Variants in PACC1 observed in about 807,000 individuals in gnomAD.
PACC1 encodes the protein proton-activated chloride channel.
In PACC1, 34 loss-of-function variants were observed where a neutral mutation model predicts 39.7. That is an observed-to-expected ratio of 0.86 (90% CI 0.65 to 1.14). PACC1 has a LOEUF of 1.14. Among genes scored for constraint, PACC1 ranks in the 50% most tolerant of loss-of-function variants. The pLI is 0.00. For synonymous variants in PACC1, 127 were observed against 160.6 expected, an observed-to-expected ratio of 0.79 and a Z score of 1.58; for missense variants, 379 against 436.4, an observed-to-expected ratio of 0.87 and a Z score of 1.17.
Position 212,385,356 on chromosome 1 carries a change from A to G in PACC1, c.413T>C (p.Leu138Pro). ...GTCACCCGGCTGGCCAGGGCTTGTC[A>G]GAGGAGGAATGACCTCGTAATGGTG... ...CKHHYEVIPP[L>P]TSPGQPGDMN... is the part of the protein sequence containing the mutation. Residue 138 changes from leucine to proline, a missense_variant, in exon 4 of 8, where the codon CTG (leucine) becomes CCG (proline). Transcript: ENST00000261455. The G allele has an allele frequency of 3.1e-6, 5 of 1,614,102 alleles. No homozygotes were observed. Among genetic ancestry groups the G allele is most frequent in the Non-Finnish European group, 4.2e-6 (5 of 1,180,008 alleles).
chr1:212,413,119 C>T (rs1330227018), intron 1 of PACC1, among the ~76,000 whole-genome samples: 2 of 152,160 alleles, frequency 1.3e-5, no homozygotes, highest in South Asian at 2.1e-4. Flanking sequence ...GTTTAGGGTA[C>T]AGAATCTAGG....
intron 2 of PACC1, among the ~76,000 whole-genome samples, chr1:212,396,228 A>C (rs1661510477): frequency 6.6e-6 from 1 of 152,242 alleles, no homozygotes; most frequent in African/African-American, 2.4e-5. Context: ...AAAATGTGGC[A>C]CATATACACC....
chr1:212,373,532 A>C (rs1660535244), intron 7 of PACC1, among the ~76,000 whole-genome samples: 1 of 152,238 alleles, frequency 6.6e-6, no homozygotes, highest in Non-Finnish European at 1.5e-5. Flanking sequence ...CTGTACAGCA[A>C]AGGAAACAAT....
At chr1:212,414,647 C>T in intron 1 of PACC1, 75 bp downstream of exon 1, 1 of 1,574,528 alleles carries the variant, frequency 6.4e-7, no homozygotes, top group Non-Finnish European at 8.7e-7. Context: ...ACACCCCCCG[C>T]CCCGCATCCG....
At chr1:212,410,377 G>C in intron 2 of PACC1, 48 bp downstream of exon 2, 1 of 1,563,826 alleles carries the variant, frequency 6.4e-7, no homozygotes. Context: ...GCCTAGACTG[G>C]GGTGTCCAGC....
intron 2 of PACC1, among the ~76,000 whole-genome samples, chr1:212,409,741 T>C (rs1284413931): frequency 1.3e-5 from 2 of 152,144 alleles, no homozygotes; most frequent in African/African-American, 4.8e-5. Flanking sequence ...GGTTTGTAGG[T>C]AACCTCTGGG....
chr1:212,374,473 G>A (rs1660576514), intron 7 of PACC1, among the ~76,000 whole-genome samples: 2 of 152,102 alleles, frequency 1.3e-5, no homozygotes, highest in Non-Finnish European at 2.9e-5. Flanking sequence ...AATACAGTAA[G>A]ATAGATGACA....
chr1:212,402,128 G>A (rs940646837), intron 2 of PACC1, among the ~76,000 whole-genome samples: 4 of 152,126 alleles, frequency 2.6e-5, no homozygotes, highest in African/African-American at 9.7e-5. Flanking sequence ...ATTTTTTGGA[G>A]ATGTAAGTTT....
chr1:212,379,837 A>C, intron 5 of PACC1, 58 bp downstream of exon 5: 12 of 1,570,002 alleles, frequency 7.6e-6, no homozygotes, highest in South Asian at 1.1e-5. Flanking sequence ...TGGGACATAC[A>C]CAGCTGGAAT....
At chr1:212,376,891 T>C (rs987926874) in intron 6 of PACC1, 2 of 152,214 alleles carry the variant, frequency 1.3e-5, no homozygotes, top group African/African-American at 4.8e-5. Context: ...GCCACTGGGA[T>C]ACAAGAAGAA....
At chr1:212,392,124 T>C (rs893068928) in intron 2 of PACC1, among the ~76,000 whole-genome samples, 10 of 152,018 alleles carry the variant, frequency 6.6e-5, no homozygotes, top group African/African-American at 2.4e-4. Flanking sequence ...GAAGAGCAAC[T>C]CTCAGACACA....
In PACC1 at chr1:212,414,806, G is replaced by T. The variant is rs753635040; in HGVS notation, c.-49C>A. 3.1e-6 allele frequency: 5 copies of T among 1,606,516 alleles called. No homozygotes were observed. In the African/African-American group the frequency reaches 6.7e-5, roughly 21 times the overall value. Reference sequence around the variant, plus strand: ...ACCTGAGACCGCCCCAGCCCGCGGCGCACGGACGCAGCACTGCGGCCGCTG... The same window carrying T: ...ACCTGAGACCGCCCCAGCCCGCGGCTCACGGACGCAGCACTGCGGCCGCTG... On this transcript the variant is annotated 5_prime_UTR_variant, in exon 1 of 8. Coordinates refer to ENST00000261455, the MANE Select transcript of PACC1 (RefSeq NM_018252.3).
Position 212,414,827 on chromosome 1 carries a change from C to G in PACC1, c.-70G>C. ...CGGCGCACGGACGCAGCACTGCGGCCGCTGCACCTGGACCTACCGGCTCCG... is the reference window on the plus strand; with the variant it reads ...CGGCGCACGGACGCAGCACTGCGGCGGCTGCACCTGGACCTACCGGCTCCG... On this transcript the variant is annotated 5_prime_UTR_variant, in exon 1 of 8. Transcript: ENST00000261455. 1.3e-6 allele frequency: 2 copies of G among 1,594,274 alleles called. No individual in the cohort carries two copies. Among genetic ancestry groups the G allele is most frequent in the Non-Finnish European group, 1.7e-6 (2 of 1,164,422 alleles).
intron 2 of PACC1, among the ~76,000 whole-genome samples, chr1:212,393,192 C>T (rs1325347837): frequency 7.9e-5 from 12 of 152,216 alleles, no homozygotes; most frequent in Non-Finnish European, 5.9e-5. Flanking sequence ...GGAAGTAAAG[C>T]TCTCCTCAGC....
chr1:212,410,261 T>C, intron 2 of PACC1, 164 bp downstream of exon 2: 1 of 702,298 alleles, frequency 1.4e-6, no homozygotes, highest in South Asian at 1.6e-5. Flanking sequence ...ATATCCTCTG[T>C]TCCAAGGCTG....
intron 1 of PACC1, among the ~76,000 whole-genome samples, chr1:212,412,551 G>A (rs745720197): frequency 2.6e-5 from 4 of 152,230 alleles, no homozygotes; most frequent in Non-Finnish European, 4.4e-5. Flanking sequence ...CATTCTCTGA[G>A]GAAGTGAGAG....
At chr1:212,375,645 G>T (rs563396076) in intron 6 of PACC1, among the ~76,000 whole-genome samples, 3 of 152,188 alleles carry the variant, frequency 2.0e-5, no homozygotes. Flanking sequence ...AACACTTTGT[G>T]AGGCCTAGCC....
chr1:212,412,150 AAAAG>A (rs907442482), intron 1 of PACC1, among the ~76,000 whole-genome samples: 20 of 152,192 alleles, frequency 1.3e-4, no homozygotes, highest in South Asian at 6.2e-4. Flanking sequence ...TCAAAAAAAA[AAAAG>A]AAAGAAAAGA....
rs1660713584 is a variant in PACC1 at position 212,377,625 on chromosome 1, G to A, written c.720C>T (p.Val240=). The change falls in exon 6 of 8, where the codon GTC becomes GTT. Residue 240 remains valine (V), a synonymous_variant. Transcript: ENST00000261455. ...WKFSGGFRTW[V]KMSLVKTKEE... ...CCTTGGTCTTTACCAGTGACATCTT[G>A]ACCCAGGTGCGGAAGCCCCCAGAGA... 6.2e-7 allele frequency: 1 copy of A among 1,614,028 alleles called. No individual in the cohort carries two copies. The highest frequency in any genetic ancestry group is 1.1e-5 in the South Asian group (1 of 91,070).
Sources: allele counts gnomAD v4.1 joint callset (sites outside exome capture counted in the v4.1 genomes callset), GRCh38; gene constraint gnomAD v4.1.1; transcripts MANE v1.5; gene names NCBI Gene and HGNC (gene_info 2026-07-23, HGNC 2026-07-21).